Variants in PEX19 observed in about 807,000 individuals in gnomAD.
PEX19 encodes 33 kDa housekeeping protein.
A neutral mutation model predicts 36.3 loss-of-function variants in PEX19; 29 were observed. The ratio of observed to expected loss-of-function variants is 0.80; its 90% CI spans 0.60 to 1.09. The LOEUF is 1.09. Ranked by LOEUF, PEX19 falls within the 50% of genes least tolerant of loss-of-function variation. The probability of loss-of-function intolerance (pLI) is 0.00; values close to 1 mark genes in which losing one functional copy is unlikely to be tolerated. For missense variants in PEX19, 396 were observed against 368.1 expected, an observed-to-expected ratio of 1.08 and a Z score of -0.62; for synonymous variants, 141 against 135.2, an observed-to-expected ratio of 1.04 and a Z score of -0.30.
At position 160,279,818 on chromosome 1, in the gene PEX19, C is replaced by G; in HGVS notation, c.799G>C (p.Glu267Gln). The change falls in exon 7 of 8, where the codon GAG becomes CAG. Residue 267 changes from glutamate to glutamine, a missense_variant. Transcript: ENST00000368072. ...ATACTCACCATCTCTCCAGCCAGCT[C>G]TTTTGGAGGATGGCCTAAATCTTGT... ...QLQDLGHPPK[E>Q]LAGEMPPGLN... 6.2e-7 allele frequency: 1 copy of G among 1,613,464 alleles called. No homozygotes were observed. Among genetic ancestry groups the G allele is most frequent in the Non-Finnish European group, 8.5e-7 (1 of 1,179,410 alleles).
At chr1:160,279,963 G>C (rs1395321172) in intron 6 of PEX19, 107 bp downstream of exon 6, 2 of 1,361,834 alleles carry the variant, frequency 1.5e-6, no homozygotes, top group Admixed American at 1.7e-5. Context: ...TCACAAGAGA[G>C]GATCCCTCCT....
In PEX19 at chr1:160,279,993, T is replaced by C. The variant is rs1308855200; in HGVS notation, c.771+77A>G. 4 of 1,458,912 alleles carry C rather than the reference T, an allele frequency of 2.7e-6. No homozygotes were observed. In the African/African-American group the frequency reaches 4.2e-5, roughly 15 times the overall value. 90.4% of individuals were successfully genotyped at this position (1,458,912 alleles called of 1,614,324 possible). A position where few individuals can be genotyped will look rare whatever the true frequency, so the allele number is the denominator to read the frequency against. On this transcript the variant is annotated intron_variant, in intron 6 of 7. Transcript: ENST00000368072. ...CCTCCTCCACCTAGGTCTAGCAGTA[T>C]TGCATCCTTCCCAGATACTTCCTTC...
At position 160,280,246 on chromosome 1, in the gene PEX19, A is replaced by G; in HGVS notation, c.595T>C (p.Tyr199His). Residue 199 changes from tyrosine (Y) to histidine (H), a missense_variant and splice_region_variant, in exon 6 of 8, where the codon TAT becomes CAT. Coordinates refer to ENST00000368072, the MANE Select transcript of PEX19 (RefSeq NM_002857.4). The part of the protein sequence containing the change: ...YPSLKEITEK[Y>H]PEWLQSHRES... Reference sequence around the variant, plus strand: ...CGATGACTCTGCAACCATTCTGGATACTAAGAAAAGAGAGAATGGGTGGAA... The same window carrying G: ...CGATGACTCTGCAACCATTCTGGATGCTAAGAAAAGAGAGAATGGGTGGAA... 1 of 1,613,212 alleles carries G rather than the reference A, an allele frequency of 6.2e-7. No individual in the cohort carries two copies. The highest frequency in any genetic ancestry group is 8.5e-7 in the Non-Finnish European group (1 of 1,179,090).
In PEX19 at chr1:160,278,191, G is replaced by C; in HGVS notation, c.*1360C>G. 1 of 702,500 alleles carries C rather than the reference G, an allele frequency of 1.4e-6. No homozygotes were observed. The highest frequency in any genetic ancestry group is 2.6e-6 in the Non-Finnish European group (1 of 384,980). 43.5% of individuals were successfully genotyped at this position (702,500 alleles called of 1,614,324 possible). A position where few individuals can be genotyped will look rare whatever the true frequency, so the allele number is the denominator to read the frequency against. On this transcript the variant is annotated 3_prime_UTR_variant, in exon 8 of 8. Transcript: ENST00000368072. ...GAGCCACAGAAAAAAAGCCACGTCA[G>C]CTTAAAGAAAAATAATTTAGAAAAC...
In PEX19 at chr1:160,277,037, A is replaced by C. The variant is rs1304890269; in HGVS notation, c.*2514T>G. 4.4e-6 allele frequency: 2 copies of C among 454,136 alleles called. No individual in the cohort carries two copies. Among genetic ancestry groups the C allele is most frequent in the South Asian group, 3.1e-5 (2 of 64,480 alleles). The allele number at this position is 454,136 out of a possible 1,614,324, so 28.1% of individuals were successfully genotyped here. Reference sequence around the variant, plus strand: ...TGCTAGAGATGTCCTTACTAGTGACACATTCTTGCTGAAGAACAAGTTCTC... The same window carrying C: ...TGCTAGAGATGTCCTTACTAGTGACCCATTCTTGCTGAAGAACAAGTTCTC... On this transcript the variant is annotated 3_prime_UTR_variant, in exon 8 of 8. Coordinates refer to ENST00000368072, the MANE Select transcript of PEX19 (RefSeq NM_002857.4).
In PEX19 at chr1:160,282,106, T is replaced by G. The variant is rs1231019046; in HGVS notation, c.527A>C (p.Gln176Pro). ...GGAGAGTAGGTTCTGCATAATACTC[T>G]GCATGATGGGGAGGATGTTCCCTTC... ...DGEGNILPIM[Q>P]SIMQNLLSKD... Residue 176 changes from glutamine to proline, a missense_variant, in exon 5 of 8, where the codon CAG becomes CCG. By Grantham distance (76) the Gln-to-Pro change is moderately conservative. Coordinates refer to ENST00000368072, the MANE Select transcript of PEX19 (RefSeq NM_002857.4). 3.7e-6 allele frequency: 6 copies of G among 1,613,966 alleles called. No individual in the cohort carries two copies. Among genetic ancestry groups the G allele is most frequent in the Admixed American group, 1.7e-5 (1 of 60,028 alleles).
rs550324916 is a variant in PEX19, at chr1:160,282,564, G to C, written c.347-62C>G. 62 of 1,254,264 alleles carry C rather than the reference G, an allele frequency of 4.9e-5. No homozygotes were observed. In the African/African-American group the frequency reaches 9.0e-4, roughly 18 times the overall value. 77.7% of individuals were successfully genotyped at this position (1,254,264 alleles called of 1,614,324 possible). On this transcript the variant is annotated intron_variant, in intron 3 of 7. Coordinates refer to ENST00000368072, the MANE Select transcript of PEX19 (RefSeq NM_002857.4). ...TTTGTTTCCTTGCCTAGACTGAACT[G>C]GTTAACAGCTTGGATATGAAGCATT...
chr1:160,285,117 G>T lies in PEX19; in HGVS notation c.8C>A (p.Ala3Asp). Residue 3 changes from alanine (A) to aspartate (D), a missense_variant, in exon 1 of 8, where the codon GCC (alanine) becomes GAC (aspartate). Ala to Asp is a moderately radical substitution (Grantham distance 126). Transcript: ENST00000368072. MAAAEEGCSVGAE... is the reference protein window; with the variant it reads MADAEEGCSVGAE... ...CCCGACACTACAGCCTTCCTCAGCG[G>T]CGGCCATCTTGCTACCTCCGACTTG... 1 of 1,613,802 alleles carries T rather than the reference G, an allele frequency of 6.2e-7. No homozygotes were observed. The highest frequency in any genetic ancestry group is 8.5e-7 in the Non-Finnish European group (1 of 1,179,768).
At chr1:160,280,631 C>T (rs1374918040) in intron 5 of PEX19, among the ~76,000 whole-genome samples, 8 of 152,022 alleles carry the variant, frequency 5.3e-5, no homozygotes, top group Admixed American at 5.2e-4. Flanking sequence ...AATCCTCCCA[C>T]CTGAGCCTCC....
chr1:160,278,217 A>G lies in PEX19; in HGVS notation c.*1334T>C, dbSNP rs1396245635. The G allele has an allele frequency of 7.1e-6, 5 of 702,116 alleles. No individual in the cohort carries two copies. The highest frequency in any genetic ancestry group is 3.5e-5 in the African/African-American group (2 of 57,256). 43.5% of individuals were successfully genotyped at this position (702,116 alleles called of 1,614,324 possible). ...CTTAAAGAAAAATAATTTAGAAAAC[A>G]TAACAATATATTACTAACATTAATA... On this transcript the variant is annotated 3_prime_UTR_variant, in exon 8 of 8. Coordinates refer to ENST00000368072, the MANE Select transcript of PEX19 (RefSeq NM_002857.4).
chr1:160,276,971 A>G lies in PEX19; in HGVS notation c.*2580T>C. 1 of 454,138 alleles carries G rather than the reference A, an allele frequency of 2.2e-6. No homozygotes were observed. Among genetic ancestry groups the G allele is most frequent in the Non-Finnish European group, 4.4e-6 (1 of 226,802 alleles). 28.1% of individuals were successfully genotyped at this position (454,138 alleles called of 1,614,324 possible). ...TATACAGCTTAAACCTAAGCTTTGT[A>G]ACGATTATTTTTGAGCAGCAGAAAA... On this transcript the variant is annotated 3_prime_UTR_variant, in exon 8 of 8. Transcript: ENST00000368072.
rs1657837348 is a variant in PEX19 at position 160,282,942 on chromosome 1, A to G, written c.346+2T>C. 16 of 1,613,958 alleles carry G rather than the reference A, an allele frequency of 9.9e-6. No individual in the cohort carries two copies. Among genetic ancestry groups the G allele is most frequent in the African/African-American group, 1.3e-5 (1 of 74,986 alleles). ...ATTTCCATGTATCTGGGGTCTCCTCACCCACTCTCCCTGCAGCCTCTGAGA... is the reference window on the plus strand; with the variant it reads ...ATTTCCATGTATCTGGGGTCTCCTCGCCCACTCTCCCTGCAGCCTCTGAGA... On this transcript the variant is annotated splice_donor_variant, in intron 3 of 7. Transcript: ENST00000368072. LOFTEE classifies it high-confidence loss of function.
chr1:160,281,924 G>A, intron 5 of PEX19, 115 bp downstream of exon 5: 1 of 876,966 alleles, frequency 1.1e-6, no homozygotes, highest in Non-Finnish European at 1.9e-6. Context: ...AAATAAAGAA[G>A]GAAAAAAAGC....
At chr1:160,284,307 G>T in intron 1 of PEX19, 1 of 405,096 alleles carries the variant, frequency 2.5e-6, no homozygotes, top group Non-Finnish European at 5.1e-6. Context: ...ACATCTCCGT[G>T]ATTGAGCAAG....
At chr1:160,284,960 T>A in intron 1 of PEX19, 95 bp downstream of exon 1, 6 of 967,972 alleles carry the variant, frequency 6.2e-6, no homozygotes, top group Non-Finnish European at 1.0e-5. Flanking sequence ...TTGGAGAGCC[T>A]CTCCTGCCCG....
intron 1 of PEX19, among the ~76,000 whole-genome samples, chr1:160,284,458 C>T (rs1433916534): frequency 6.6e-6 from 1 of 152,192 alleles, no homozygotes; most frequent in Non-Finnish European, 1.5e-5. Context: ...AAACATCCCC[C>T]GTCTTTCAGG....
At position 160,279,113 on chromosome 1, in the gene PEX19, C is replaced by T. The variant is rs749969623; in HGVS notation, c.*438G>A. On this transcript the variant is annotated 3_prime_UTR_variant, in exon 8 of 8. Transcript: ENST00000368072. ...TTCTCCCCATTCTCAAAGGCTCTGC[C>T]AGGAGAACTATAGAAATACAGAGTC... 3 of 453,446 alleles carry T rather than the reference C, an allele frequency of 6.6e-6. No homozygotes were observed. Among genetic ancestry groups the T allele is most frequent in the Admixed American group, 4.7e-5 (2 of 42,272 alleles). The allele number at this position is 453,446 out of a possible 1,614,324, so 28.1% of individuals were successfully genotyped here.
rs1446378844 is a variant in PEX19 at position 160,279,111 on chromosome 1, G to A, written c.*440C>T. 2.2e-6 allele frequency: 1 copy of A among 453,830 alleles called. No homozygotes were observed. The highest frequency in any genetic ancestry group is 4.4e-6 in the Non-Finnish European group (1 of 226,888). 28.1% of individuals were successfully genotyped at this position (453,830 alleles called of 1,614,324 possible). A position where few individuals can be genotyped will look rare whatever the true frequency, so the allele number is the denominator to read the frequency against. On this transcript the variant is annotated 3_prime_UTR_variant, in exon 8 of 8. Transcript: ENST00000368072. ...GTTTCTCCCCATTCTCAAAGGCTCT[G>A]CCAGGAGAACTATAGAAATACAGAG...
At position 160,279,444 on chromosome 1, in the gene PEX19, C is replaced by A. The variant is rs572535749; in HGVS notation, c.*107G>T. On this transcript the variant is annotated 3_prime_UTR_variant, in exon 8 of 8. Transcript: ENST00000368072. ...TCTTGAATGGGATGACAGAGGGCAG[C>A]GGGCAGACTTCTCCCGCAGGTGACA... 4 of 887,124 alleles carry A rather than the reference C, an allele frequency of 4.5e-6. No homozygotes were observed. Among genetic ancestry groups the A allele is most frequent in the Admixed American group, 3.4e-5 (2 of 58,684 alleles). The allele number at this position is 887,124 out of a possible 1,614,324, so 55.0% of individuals were successfully genotyped here.
Sources: gnomAD v4.1 joint callset for allele counts (sites outside exome capture counted in the v4.1 genomes callset) on GRCh38, gnomAD v4.1.1 for gene constraint, MANE v1.5 for transcripts, NCBI Gene and HGNC (gene_info 2026-07-23, HGNC 2026-07-21) for gene names.